Variants in CTNND2 observed in about 807,000 individuals in gnomAD.
CTNND2 encodes catenin delta-2.
In CTNND2, 22 loss-of-function variants were observed where a neutral mutation model predicts 144.4. The observed-to-expected ratio is 0.15, with a 90% CI of 0.11 to 0.22. CTNND2 has a LOEUF of 0.22. Ranked by LOEUF, CTNND2 falls within the 10% of genes least tolerant of loss-of-function variation. The probability of loss-of-function intolerance (pLI) is 1.00; values close to 1 mark genes in which losing one functional copy is unlikely to be tolerated. For synonymous variants in CTNND2, 751 were observed against 695.6 expected (o/e 1.08, Z -1.25); for missense variants, 1,353 against 1,618.8 (o/e 0.84, Z 2.82).
intron 6 of CTNND2, among the ~76,000 whole-genome samples, chr5:11,394,864 T>TA (rs1435729931): frequency 1.3e-5 from 2 of 152,186 alleles, no homozygotes. Context: ...ACGAACCAGA[T>TA]AAAAAATTAT....
intron 18 of CTNND2, among the ~76,000 whole-genome samples, chr5:11,013,003 G>A (rs987345308): frequency 1.3e-5 from 2 of 152,158 alleles, no homozygotes; most frequent in African/African-American, 2.4e-5. Context: ...CCCCAAATAT[G>A]GCACCTTGGC....
intron 11 of CTNND2, among the ~76,000 whole-genome samples, chr5:11,177,337 A>C (rs1304131071): frequency 6.6e-6 from 1 of 152,196 alleles, no homozygotes; most frequent in Non-Finnish European, 1.5e-5. Flanking sequence ...ATAAAATTCA[A>C]GGCATTTGGT....
intron 2 of CTNND2, among the ~76,000 whole-genome samples, chr5:11,639,522 G>A (rs1241316867): frequency 6.6e-6 from 1 of 152,118 alleles, no homozygotes; most frequent in East Asian, 1.9e-4. Context: ...TTAAATAACA[G>A]ACTATTACAG....
chr5:11,272,794 T>A (rs1006184207), intron 9 of CTNND2, among the ~76,000 whole-genome samples: 2 of 152,208 alleles, frequency 1.3e-5, no homozygotes, highest in Non-Finnish European at 2.9e-5. Flanking sequence ...TATCTACTTT[T>A]ATAATTCAGA....
chr5:11,770,183 C>T (rs1789837270), intron 1 of CTNND2, among the ~76,000 whole-genome samples: 1 of 152,078 alleles, frequency 6.6e-6, no homozygotes, highest in African/African-American at 2.4e-5. Flanking sequence ...TCACGGGCAT[C>T]ACAGACATAG....
At chr5:10,991,429 A>G (rs1016981818) in intron 19 of CTNND2, among the ~76,000 whole-genome samples, 4 of 152,238 alleles carry the variant, frequency 2.6e-5, no homozygotes, top group African/African-American at 7.2e-5. Context: ...GTGGGTGCAT[A>G]TAACTTGTTA....
intron 2 of CTNND2, among the ~76,000 whole-genome samples, chr5:11,631,398 T>C (rs1283925333): frequency 6.6e-6 from 1 of 152,146 alleles, no homozygotes; most frequent in African/African-American, 2.4e-5. Flanking sequence ...CTATAAAAAT[T>C]TTCTTATTAT....
chr5:11,674,876 C>T (rs527338526), intron 2 of CTNND2, among the ~76,000 whole-genome samples: 10 of 152,244 alleles, frequency 6.6e-5, no homozygotes, highest in African/African-American at 2.4e-4. Flanking sequence ...CAGGCACATG[C>T]CACCATGCCT....
At chr5:11,079,547 G>A (rs938190723) in intron 16 of CTNND2, among the ~76,000 whole-genome samples, 1 of 152,092 alleles carries the variant, frequency 6.6e-6, no homozygotes, top group Non-Finnish European at 1.5e-5. Context: ...GCATCAGAAG[G>A]CCTCTCTGAC....
chr5:11,821,943 A>G (rs573646530), intron 1 of CTNND2, among the ~76,000 whole-genome samples: 42 of 152,190 alleles, frequency 2.8e-4, no homozygotes, highest in Non-Finnish European at 5.3e-4. Flanking sequence ...CTACACATTC[A>G]GTTCAGTAAG....
chr5:11,215,026 C>T (rs967132965), intron 10 of CTNND2, among the ~76,000 whole-genome samples: 6 of 152,210 alleles, frequency 3.9e-5, no homozygotes, highest in African/African-American at 1.4e-4. Flanking sequence ...GCCCGACTTG[C>T]TCAATGCTGT....
At chr5:11,877,721 CCATCAT>C (rs57755958) in intron 1 of CTNND2, among the ~76,000 whole-genome samples, 11 of 151,068 alleles carry the variant, frequency 7.3e-5, no homozygotes, top group African/African-American at 9.7e-5. Flanking sequence ...AGCACCATCA[CCATCAT>C]CATCATCATC....
In CTNND2 at chr5:11,732,269, G is replaced by C. The variant is rs750520000; in HGVS notation, c.41C>G (p.Ala14Gly). ...TGAAGGCTGGTCTGGAACAGGCATAGCTCCTGCAAGGCAAGAGGACATGAT... is the reference window on the plus strand; with the variant it reads ...TGAAGGCTGGTCTGGAACAGGCATACCTCCTGCAAGGCAAGAGGACATGAT... ...RKPPGAAPLG[A>G]MPVPDQPSSA... Residue 14 changes from alanine to glycine, a missense_variant, in exon 2 of 22, where the codon GCT (alanine) becomes GGT (glycine). Around this residue, in one of 4 missense-constraint regions of CTNND2, gnomAD observed 708 missense variants for 706.4 expected, o/e 1.00. Coordinates refer to ENST00000304623, the MANE Select transcript of CTNND2 (RefSeq NM_001332.4). 7 of 1,613,242 alleles carry C rather than the reference G, an allele frequency of 4.3e-6. No individual in the cohort carries two copies. In the African/African-American group the frequency reaches 8.0e-5, roughly 18 times the overall value.
intron 9 of CTNND2, among the ~76,000 whole-genome samples, chr5:11,281,716 G>A (rs914089056): frequency 3.9e-5 from 6 of 152,136 alleles, no homozygotes; most frequent in East Asian, 1.9e-4. Context: ...TCACATGGTC[G>A]TTCTTCTGTG....
intron 1 of CTNND2, among the ~76,000 whole-genome samples, chr5:11,897,152 T>C (rs1336880942): frequency 6.6e-6 from 1 of 152,216 alleles, no homozygotes; most frequent in Non-Finnish European, 1.5e-5. Context: ...GTGTTAGAGA[T>C]GAGAGATTGA....
intron 9 of CTNND2, among the ~76,000 whole-genome samples, chr5:11,239,859 T>C (rs1004101752): frequency 6.6e-6 from 1 of 152,224 alleles, no homozygotes; most frequent in Non-Finnish European, 1.5e-5. Context: ...ACCGTCATGC[T>C]GTGGGCCATG....
chr5:11,838,816 C>T (rs1794311741), intron 1 of CTNND2, among the ~76,000 whole-genome samples: 1 of 152,146 alleles, frequency 6.6e-6, no homozygotes, highest in Admixed American at 6.6e-5. Flanking sequence ...TATTTGTCAG[C>T]ATCTTTTCTT....
chr5:11,190,742 T>C (rs1227721048), intron 11 of CTNND2, among the ~76,000 whole-genome samples: 2 of 152,172 alleles, frequency 1.3e-5, no homozygotes, highest in African/African-American at 2.4e-5. Flanking sequence ...TAGAGTTGAG[T>C]AGTTGTAACA....
chr5:11,455,696 T>A (rs901436430), intron 3 of CTNND2, among the ~76,000 whole-genome samples: 1 of 152,144 alleles, frequency 6.6e-6, no homozygotes. Flanking sequence ...CAAGAAGTGA[T>A]CATACCTCCC....
Sources: gnomAD v4.1 joint callset for allele counts (sites outside exome capture counted in the v4.1 genomes callset) on GRCh38, gnomAD v4.1.1 for gene constraint, gnomAD v4.1.1 regional missense constraint, MANE v1.5 for transcripts, NCBI Gene and HGNC (gene_info 2026-07-23, HGNC 2026-07-21) for gene names.